The following MACROD2 variants were observed in gnomAD, a reference collection of about 807,000 sequenced individuals.
MACROD2 encodes the protein mono-ADP ribosylhydrolase 2, also known as ADP-ribose glycohydrolase MACROD2.
Under a neutral mutation model 70.4 loss-of-function variants are expected in MACROD2, and 36 were observed. That is an observed-to-expected ratio of 0.51 (90% CI 0.39 to 0.68). MACROD2 has a LOEUF of 0.68. Among genes scored for constraint, MACROD2 ranks in the 30% least tolerant of loss-of-function variants. The probability of loss-of-function intolerance (pLI) is 0.00; values close to 1 mark genes in which losing one functional copy is unlikely to be tolerated. For synonymous variants in MACROD2, 172 were observed against 178.8 expected (o/e 0.96, Z 0.30); for missense variants, 496 against 538.4 (o/e 0.92, Z 0.78).
intron 8 of MACROD2, among the ~76,000 whole-genome samples, chr20:15,513,232 G>A (rs564504058): frequency 6.6e-6 from 1 of 152,334 alleles, no homozygotes; most frequent in South Asian, 2.1e-4. Context: ...CCAGCAGCAA[G>A]CGAACCCCTA....
At chr20:14,466,712 G>C (rs1568625427) in intron 3 of MACROD2, among the ~76,000 whole-genome samples, 1 of 152,006 alleles carries the variant, frequency 6.6e-6, no homozygotes, top group Non-Finnish European at 1.5e-5. Flanking sequence ...ATGGGTTTTT[G>C]GTGTGGATGT....
At chr20:15,354,251 CA>C (rs2078260884) in intron 6 of MACROD2, among the ~76,000 whole-genome samples, 1 of 151,590 alleles carries the variant, frequency 6.6e-6, no homozygotes, top group African/African-American at 2.4e-5. Flanking sequence ...ATCGCAAGGA[CA>C]AAAAACCAAA....
At chr20:15,811,091 T>A (rs2063816214) in intron 8 of MACROD2, among the ~76,000 whole-genome samples, 1 of 151,732 alleles carries the variant, frequency 6.6e-6, no homozygotes, top group Admixed American at 6.6e-5. Context: ...ACAAATGGGA[T>A]CTAATTAAAC....
intron 3 of MACROD2, among the ~76,000 whole-genome samples, chr20:14,227,764 C>T (rs1307586288): frequency 6.6e-6 from 1 of 152,186 alleles, no homozygotes; most frequent in Non-Finnish European, 1.5e-5. Flanking sequence ...TAAAATTTCC[C>T]TTTGCTTTTA....
At chr20:14,213,395 A>G (rs528506923) in intron 3 of MACROD2, among the ~76,000 whole-genome samples, 77 of 125,750 alleles carry the variant, frequency 6.1e-4, no homozygotes, top group African/African-American at 2.0e-3. Context: ...AAGGCCAATT[A>G]TAAGATCCCT....
chr20:14,510,085 C>T (rs1164451374), intron 4 of MACROD2, among the ~76,000 whole-genome samples: 2 of 151,948 alleles, frequency 1.3e-5, no homozygotes, highest in African/African-American at 2.4e-5. Context: ...TTATTTAAGA[C>T]TATTTTAGGG....
At chr20:14,388,692 A>C (rs2083493622) in intron 3 of MACROD2, among the ~76,000 whole-genome samples, 1 of 152,084 alleles carries the variant, frequency 6.6e-6, no homozygotes, top group African/African-American at 2.4e-5. Flanking sequence ...CGCAGACCTC[A>C]ATCTATGGCA....
intron 3 of MACROD2, among the ~76,000 whole-genome samples, chr20:14,154,552 ATTTTTTTTTTTTTTTTTTT>A (rs869299523): frequency 6.6e-5 from 7 of 106,652 alleles, no homozygotes; most frequent in African/African-American, 2.2e-4. Context: ...CGCCCGGCTA[ATTTTTTTTTTTTTTTTTTT>A]TTTTTTTTTT....
At chr20:16,001,516 T>C (rs572194976) in intron 15 of MACROD2, among the ~76,000 whole-genome samples, 8 of 152,232 alleles carry the variant, frequency 5.3e-5, no homozygotes, top group African/African-American at 9.6e-5. Flanking sequence ...TATCATCCCA[T>C]TGTTTGAATT....
At chr20:14,449,876 C>A (rs2084225595) in intron 3 of MACROD2, among the ~76,000 whole-genome samples, 2 of 151,972 alleles carry the variant, frequency 1.3e-5, no homozygotes, top group African/African-American at 4.8e-5. Context: ...TCTGTGCTTG[C>A]AGGGGATCAT....
intron 6 of MACROD2, among the ~76,000 whole-genome samples, chr20:15,251,500 G>A (rs148568872): frequency 6.6e-6 from 1 of 152,272 alleles, no homozygotes; most frequent in Non-Finnish European, 1.5e-5. Context: ...AAAACAAATT[G>A]CATCCCCTAT....
At chr20:15,454,453 A>C (rs191791943) in intron 7 of MACROD2, among the ~76,000 whole-genome samples, 42 of 131,788 alleles carry the variant, frequency 3.2e-4, no homozygotes, top group African/African-American at 8.6e-4. Flanking sequence ...ACACACACAC[A>C]CCCTTATTAT....
At chr20:14,148,469 T>C (rs532599435) in intron 3 of MACROD2, among the ~76,000 whole-genome samples, 32 of 152,332 alleles carry the variant, frequency 2.1e-4, no homozygotes, top group Admixed American at 5.9e-4. Flanking sequence ...TAGGTCTTTT[T>C]TGGTGTCACT....
intron 5 of MACROD2, among the ~76,000 whole-genome samples, chr20:14,704,630 A>G (rs1054074161): frequency 2.0e-5 from 3 of 152,074 alleles, no homozygotes; most frequent in East Asian, 1.9e-4. Context: ...GCTTCATTCT[A>G]TAGCCTTGGA....
chr20:14,593,964 A>G (rs1426735965), intron 4 of MACROD2, among the ~76,000 whole-genome samples: 1 of 152,178 alleles, frequency 6.6e-6, no homozygotes, highest in Non-Finnish European at 1.5e-5. Context: ...CTTGATTTAC[A>G]TTTCTTAGCT....
intron 8 of MACROD2, among the ~76,000 whole-genome samples, chr20:15,555,851 AAAAGGAAAAG>A (rs2048162389): frequency 6.9e-6 from 1 of 144,418 alleles, no homozygotes; most frequent in South Asian, 2.1e-4. Flanking sequence ...AAAAAAAAAA[AAAAGGAAAAG>A]AAAAGAAAAG....
chr20:14,763,885 G>T (rs1174640341), intron 5 of MACROD2, among the ~76,000 whole-genome samples: 2 of 152,002 alleles, frequency 1.3e-5, no homozygotes, highest in African/African-American at 4.8e-5. Flanking sequence ...GTCATTAATA[G>T]ATTTAGACTG....
chr20:14,437,342 C>T (rs893265845), intron 3 of MACROD2, among the ~76,000 whole-genome samples: 2 of 152,078 alleles, frequency 1.3e-5, no homozygotes, highest in Admixed American at 1.3e-4. Context: ...CACCTGTAAT[C>T]CCAGCACTTT....
intron 5 of MACROD2, among the ~76,000 whole-genome samples, chr20:15,071,642 G>T (rs1225194158): frequency 6.6e-6 from 1 of 152,030 alleles, no homozygotes; most frequent in African/African-American, 2.4e-5. Flanking sequence ...AATTTGCATT[G>T]TATTTATTTT....
Sources: allele counts gnomAD v4.1 joint callset (sites outside exome capture counted in the v4.1 genomes callset), GRCh38; gene constraint gnomAD v4.1.1; transcripts MANE v1.5; gene names NCBI Gene and HGNC (gene_info 2026-07-23, HGNC 2026-07-21).